The following SNAI3 variants were observed in gnomAD, a reference collection of about 807,000 sequenced individuals.
SNAI3 encodes zinc finger protein SNAI3.
In SNAI3, 21 loss-of-function variants were observed where a neutral mutation model predicts 16.4. The ratio of observed to expected loss-of-function variants is 1.28; its 90% confidence interval spans 0.91 to 1.85. The LOEUF (loss-of-function observed/expected upper bound fraction) is 1.85, where lower values mean the gene tolerates loss of function less well. Among genes scored for constraint, SNAI3 ranks in the 40% most tolerant of loss-of-function variants. The pLI is 0.00. For missense variants in SNAI3, 457 were observed against 372.8 expected (o/e 1.23, Z -1.86); for synonymous variants, 202 against 166.6 (o/e 1.21, Z -1.64).
At chr16:88,682,595 C>T (rs2142946332) in intron 1 of SNAI3, among the ~76,000 whole-genome samples, 1 of 152,284 alleles carries the variant, frequency 6.6e-6, no homozygotes. Flanking sequence ...CTGTTTCTAC[C>T]TCCATGCTGA....
At chr16:88,686,305 G>A in intron 1 of SNAI3, 26 bp downstream of exon 1, 1 of 1,607,928 alleles carries the variant, frequency 6.2e-7, no homozygotes, top group South Asian at 1.1e-5. Context: ...GTCCCGGCAG[G>A]GGCTCGGGGA....
intron 2 of SNAI3, among the ~76,000 whole-genome samples, chr16:88,680,815 T>C (rs976739391): frequency 6.6e-6 from 1 of 152,110 alleles, no homozygotes; most frequent in African/African-American, 2.4e-5. Flanking sequence ...AGGCTGGTCC[T>C]GAACCCCTGG....
At chr16:88,685,021 G>C (rs1415619720) in intron 1 of SNAI3, 3 of 152,378 alleles carry the variant, frequency 2.0e-5, no homozygotes, top group Non-Finnish European at 2.9e-5. Flanking sequence ...CTGCGGGGCA[G>C]CACGGCTACT....
intron 2 of SNAI3, chr16:88,679,074 C>T (rs1567626195): frequency 1.0e-6 from 1 of 985,312 alleles, no homozygotes; most frequent in Admixed American, 6.1e-5. Flanking sequence ...GGACCTTGGC[C>T]CAACACCTGT....
rs1160827354 is a variant in SNAI3, at chr16:88,677,733, GC to G, written c.*714del. On this transcript the variant is annotated 3_prime_UTR_variant, in exon 3 of 3. Transcript: ENST00000332281. ...CCCCACGGCTGTTATTGCCTGGGAA[GC>G]TGAGTGCCCTGAGACCCCAGCCCCC... 6.6e-6 allele frequency: 1 copy of G among 152,296 alleles called. No homozygotes were observed. Among genetic ancestry groups the G allele is most frequent in the Non-Finnish European group, 1.5e-5 (1 of 68,086 alleles). 9.4% of individuals were successfully genotyped at this position (152,296 alleles called of 1,614,324 possible).
chr16:88,679,150 A>C, intron 2 of SNAI3: 1 of 965,828 alleles, frequency 1.0e-6, no homozygotes, highest in Non-Finnish European at 1.2e-6. Context: ...GAGAGACCTC[A>C]GCCTGCAGCC....
intron 2 of SNAI3, among the ~76,000 whole-genome samples, chr16:88,679,479 AG>A (rs1460781060): frequency 1.3e-5 from 2 of 152,276 alleles, no homozygotes; most frequent in Non-Finnish European, 2.9e-5. Flanking sequence ...ATGAACTAGC[AG>A]GCCGGGCGCA....
At chr16:88,680,991 C>T (rs1294383868) in intron 2 of SNAI3, 103 bp downstream of exon 2, 7 of 1,456,336 alleles carry the variant, frequency 4.8e-6, no homozygotes, top group Non-Finnish European at 5.6e-6. Flanking sequence ...TGTGAATGCC[C>T]ATGCTATTGT....
chr16:88,678,354 C>A lies in SNAI3; in HGVS notation c.*94G>T. Reference sequence around the variant, plus strand: ...ACGCACCAAGTGTGAGGCCAGGCCCCGCCCTCCCAGACTCCTGGCTCCTCT... The same window carrying A: ...ACGCACCAAGTGTGAGGCCAGGCCCAGCCCTCCCAGACTCCTGGCTCCTCT... On this transcript the variant is annotated 3_prime_UTR_variant, in exon 3 of 3. Transcript: ENST00000332281. 1 of 618,966 alleles carries A rather than the reference C, an allele frequency of 1.6e-6. No homozygotes were observed. Among genetic ancestry groups the A allele is most frequent in the African/African-American group, 1.8e-5 (1 of 54,876 alleles). 38.3% of individuals were successfully genotyped at this position (618,966 alleles called of 1,614,324 possible).
At position 88,678,338 on chromosome 16, in the gene SNAI3, G is replaced by C; in HGVS notation, c.*110C>G. ...GACGCAGATGTGGAGGACGCACCAA[G>C]TGTGAGGCCAGGCCCCGCCCTCCCA... On this transcript the variant is annotated 3_prime_UTR_variant, in exon 3 of 3. Transcript: ENST00000332281. The C allele has an allele frequency of 3.3e-6, 2 of 608,622 alleles. No individual in the cohort carries two copies. The highest frequency in any genetic ancestry group is 5.9e-6 in the Non-Finnish European group (2 of 339,636). 37.7% of individuals were successfully genotyped at this position (608,622 alleles called of 1,614,324 possible).
intron 1 of SNAI3, among the ~76,000 whole-genome samples, chr16:88,682,767 T>TTTTTTTTTC (rs1909220541): frequency 1.3e-5 from 1 of 75,834 alleles, no homozygotes; most frequent in African/African-American, 6.6e-5. Context: ...AAGGGATTTT[T>TTTTTTTTTC]TTTTTTTTTT....
At chr16:88,683,475 C>T (rs546959273) in intron 1 of SNAI3, among the ~76,000 whole-genome samples, 57 of 151,678 alleles carry the variant, frequency 3.8e-4, no homozygotes, top group Middle Eastern at 3.4e-3. Context: ...AGGCTGGTCT[C>T]GAACTCTTGA....
Position 88,681,289 on chromosome 16 carries a change from C to A in SNAI3, c.502G>T (p.Ala168Ser). The A allele has an allele frequency of 2.5e-6, 4 of 1,613,254 alleles. No homozygotes were observed. Among genetic ancestry groups the A allele is most frequent in the Non-Finnish European group, 3.4e-6 (4 of 1,179,900 alleles). The change falls in exon 2 of 3, where the codon GCC (alanine) becomes TCC (serine). Residue 168 changes from alanine (A) to serine (S), a missense_variant. Coordinates refer to ENST00000332281, the MANE Select transcript of SNAI3 (RefSeq NM_178310.4). The surrounding 1 kb of genome is among the most constrained non-coding windows in gnomAD (Gnocchi z 5.4). ...TGGCAGTGCAGCTGCCGGTGCCTGG[C>A]CAGCCCGGCCAGCGTGTGGTAGGGT... ...HKPYHTLAGL[A>S]RHRQLHCHLQ... is the part of the protein sequence containing the mutation.
chr16:88,682,103 C>A (rs576648231), intron 1 of SNAI3, among the ~76,000 whole-genome samples: 1 of 152,278 alleles, frequency 6.6e-6, no homozygotes, highest in African/African-American at 2.4e-5. Flanking sequence ...TGGAGGGGTC[C>A]CAGCCTGGGC....
At chr16:88,686,493 GGGGTCAGGCTCATTA>G (rs1235836305) in exon 1 of SNAI3, 220 of 1,552,500 alleles carry the variant, frequency 1.4e-4, no homozygotes, top group African/African-American at 2.7e-3. Context: ...GGCGCTTGAA[GGGGTCAGGCTCATTA>G]GCATAGCGCG....
At chr16:88,685,300 C>T (rs1324566547) in intron 1 of SNAI3, 2 of 152,272 alleles carry the variant, frequency 1.3e-5, no homozygotes, top group African/African-American at 4.8e-5. Flanking sequence ...AAGCATGGTC[C>T]TAGCTGGCAC....
Position 88,686,475 on chromosome 16 carries a change from C to T in SNAI3, c.-69G>A. On this transcript the variant is annotated 5_prime_UTR_variant, in exon 1 of 3. Transcript: ENST00000332281. ...GGGCGCGCCTGGGTCCGGACTGCTG[C>T]GTCCGCCGGCGCTTGAAGGGGTCAG... is the stretch of plus-strand genomic sequence containing the variant. The T allele has an allele frequency of 6.4e-7, 1 of 1,571,224 alleles. No individual in the cohort carries two copies. Among genetic ancestry groups the T allele is most frequent in the Non-Finnish European group, 8.6e-7 (1 of 1,164,876 alleles).
At position 88,686,501 on chromosome 16, in the gene SNAI3, G is replaced by A. The variant is rs551802604; in HGVS notation, c.-95C>T. 1.1e-4 allele frequency: 163 copies of A among 1,520,492 alleles called. 1 individual carries two copies. Among genetic ancestry groups the A allele is most frequent in the Admixed American group, 1.9e-4 (9 of 47,690 alleles). 94.2% of individuals were successfully genotyped at this position (1,520,492 alleles called of 1,614,324 possible). Reference sequence around the variant, plus strand: ...GTCCGCCGGCGCTTGAAGGGGTCAGGCTCATTAGCATAGCGCGCCGCCTCC... The same window carrying A: ...GTCCGCCGGCGCTTGAAGGGGTCAGACTCATTAGCATAGCGCGCCGCCTCC... On this transcript the variant is annotated 5_prime_UTR_variant, in exon 1 of 3. Coordinates refer to ENST00000332281, the MANE Select transcript of SNAI3 (RefSeq NM_178310.4).
At chr16:88,683,292 G>A (rs532957826) in intron 1 of SNAI3, among the ~76,000 whole-genome samples, 1 of 149,974 alleles carries the variant, frequency 6.7e-6, no homozygotes, top group Admixed American at 6.6e-5. Flanking sequence ...GTCTCGCTCT[G>A]TCACCCAGGC....
Sources: allele counts gnomAD v4.1 joint callset (sites outside exome capture counted in the v4.1 genomes callset), GRCh38; gene constraint gnomAD v4.1.1; non-coding constraint Gnocchi (gnomAD v3.1); transcripts MANE v1.5; gene names NCBI Gene and HGNC (gene_info 2026-07-23, HGNC 2026-07-21).